Variants in DPP10 observed in about 807,000 individuals in gnomAD.
The protein encoded by DPP10 is inactive dipeptidyl peptidase 10.
A neutral mutation model predicts 120.9 loss-of-function variants in DPP10; 33 were observed. That is an observed-to-expected ratio of 0.27 (90% confidence interval 0.21 to 0.37). The LOEUF (loss-of-function observed/expected upper bound fraction) is 0.37, where lower values mean the gene tolerates loss of function less well. DPP10 is among the 10% of genes least tolerant of loss of function. DPP10 has a pLI of 1.00. For missense variants in DPP10, 816 were observed against 942.8 expected, an observed-to-expected ratio of 0.87 and a Z score of 1.76; for synonymous variants, 337 against 326.1, an observed-to-expected ratio of 1.03 and a Z score of -0.36.
At chr2:115,614,939 C>T (rs1420886718) in intron 5 of DPP10, among the ~76,000 whole-genome samples, 1 of 152,112 alleles carries the variant, frequency 6.6e-6, no homozygotes, top group Non-Finnish European at 1.5e-5. Flanking sequence ...AAATTGCCCT[C>T]AATTCCCTAT....
intron 1 of DPP10, among the ~76,000 whole-genome samples, chr2:115,286,159 T>G (rs1389212646): frequency 1.3e-5 from 2 of 151,860 alleles, no homozygotes; most frequent in African/African-American, 4.8e-5. Flanking sequence ...AAAGAGTTAT[T>G]ATGCATCCTA....
At chr2:115,673,950 G>A (rs1029865274) in intron 5 of DPP10, among the ~76,000 whole-genome samples, 11 of 152,114 alleles carry the variant, frequency 7.2e-5, no homozygotes, top group Middle Eastern at 3.2e-3. Context: ...GGTGGCTGAC[G>A]CCTGTAATCC....
At chr2:114,860,724 A>G (rs1160671321) in intron 1 of DPP10, among the ~76,000 whole-genome samples, 1 of 152,208 alleles carries the variant, frequency 6.6e-6, no homozygotes, top group Admixed American at 6.5e-5. Flanking sequence ...AATGAATATT[A>G]CCATCTTCTT....
chr2:114,960,638 A>G (rs1346470943), intron 1 of DPP10, among the ~76,000 whole-genome samples: 1 of 152,206 alleles, frequency 6.6e-6, no homozygotes, highest in African/African-American at 2.4e-5. Context: ...ATGAAAATCC[A>G]GTTGTAATCA....
chr2:115,067,516 T>A (rs1260146190), intron 1 of DPP10, among the ~76,000 whole-genome samples: 1 of 145,704 alleles, frequency 6.9e-6, no homozygotes, highest in Non-Finnish European at 1.5e-5. Flanking sequence ...CCTCCCAAAG[T>A]GCTGGGATCA....
At chr2:115,293,087 A>T (rs1432446543) in intron 1 of DPP10, among the ~76,000 whole-genome samples, 1 of 152,074 alleles carries the variant, frequency 6.6e-6, no homozygotes, top group Non-Finnish European at 1.5e-5. Context: ...ACAGATTCAC[A>T]TTAACCAAGG....
At chr2:115,104,365 T>G (rs1428806461) in intron 1 of DPP10, among the ~76,000 whole-genome samples, 1 of 152,018 alleles carries the variant, frequency 6.6e-6, no homozygotes, top group African/African-American at 2.4e-5. Flanking sequence ...ACATATGTCT[T>G]GCAAATGTTT....
At chr2:115,462,960 G>A (rs766233514) in intron 3 of DPP10, among the ~76,000 whole-genome samples, 8 of 152,156 alleles carry the variant, frequency 5.3e-5, no homozygotes, top group African/African-American at 9.7e-5. Context: ...AAACTTCTGA[G>A]CTCAGGCAAT....
chr2:115,008,329 A>G (rs1702008836), intron 1 of DPP10, among the ~76,000 whole-genome samples: 1 of 104,388 alleles, frequency 9.6e-6, no homozygotes, highest in Non-Finnish European at 2.1e-5. Context: ...CAATGGGGAA[A>G]GGATTCCCTA....
rs549569870 is a variant in DPP10 at position 114,537,657 on chromosome 2, C to T, written c.60+94819C>T. Among the ~76,000 whole-genome samples the T allele has an allele frequency of 3.9e-5, 6 of 152,290 alleles. No homozygotes were observed. In the South Asian group the frequency reaches 1.2e-3, roughly 32 times the overall value. On this transcript the variant is annotated intron_variant, in intron 1 of 25. Coordinates refer to ENST00000410059, the MANE Select transcript of DPP10 (RefSeq NM_020868.6). ...TATGCTTTTCAAAGGACATTCACTT[C>T]TATTCCATCCCATTTGATCATTATG...
chr2:114,556,650 G>C (rs1299325328), intron 1 of DPP10, among the ~76,000 whole-genome samples: 1 of 152,092 alleles, frequency 6.6e-6, no homozygotes. Flanking sequence ...TTTAAGCTAG[G>C]GGGAGGATGA....
At chr2:115,196,029 T>C (rs573250654) in intron 1 of DPP10, among the ~76,000 whole-genome samples, 1 of 152,358 alleles carries the variant, frequency 6.6e-6, no homozygotes, top group African/African-American at 2.4e-5. Flanking sequence ...CATGTCCATC[T>C]GAAGTGTTTT....
At chr2:115,321,506 T>C (rs1236820216) in intron 2 of DPP10, among the ~76,000 whole-genome samples, 1 of 99,154 alleles carries the variant, frequency 1.0e-5, no homozygotes, top group African/African-American at 3.9e-5. Context: ...CAGAATGCAT[T>C]TTTTTAGTGT....
At chr2:115,014,687 C>A (rs895235917) in intron 1 of DPP10, among the ~76,000 whole-genome samples, 9 of 151,958 alleles carry the variant, frequency 5.9e-5, no homozygotes, top group African/African-American at 2.2e-4. Context: ...GAAATACAAA[C>A]TACCATCAGA....
chr2:115,520,279 T>C (rs1313466643), intron 4 of DPP10, among the ~76,000 whole-genome samples: 1 of 152,050 alleles, frequency 6.6e-6, no homozygotes, highest in African/African-American at 2.4e-5. Flanking sequence ...GATAGCGCCA[T>C]TGCACTCCAG....
chr2:114,955,868 A>T (rs964926954), intron 1 of DPP10, among the ~76,000 whole-genome samples: 19 of 152,204 alleles, frequency 1.2e-4, no homozygotes, highest in African/African-American at 4.3e-4. Context: ...ATAGACACAG[A>T]AAAAGCATTT....
intron 11 of DPP10, among the ~76,000 whole-genome samples, chr2:115,761,495 C>A (rs1680108586): frequency 6.6e-6 from 1 of 151,944 alleles, no homozygotes; most frequent in African/African-American, 2.4e-5. Flanking sequence ...AATAATGAGA[C>A]AAACAATAAC....
At chr2:115,596,290 T>C (rs1229591654) in intron 5 of DPP10, among the ~76,000 whole-genome samples, 1 of 152,208 alleles carries the variant, frequency 6.6e-6, no homozygotes, top group Non-Finnish European at 1.5e-5. Context: ...CATTTTATCT[T>C]ACCAGTAACT....
At chr2:115,030,053 T>TCAA (rs1364605296) in intron 1 of DPP10, among the ~76,000 whole-genome samples, 2 of 152,172 alleles carry the variant, frequency 1.3e-5, no homozygotes, top group Non-Finnish European at 2.9e-5. Context: ...TCCAGGACTT[T>TCAA]CAACAATGAA....
Sources: allele counts gnomAD v4.1 joint callset (sites outside exome capture counted in the v4.1 genomes callset), GRCh38; gene constraint gnomAD v4.1.1; transcripts MANE v1.5; gene names NCBI Gene and HGNC (gene_info 2026-07-23, HGNC 2026-07-21).